The following FRS2 variants were observed in gnomAD, a reference collection of about 807,000 sequenced individuals.
FRS2 encodes FGFR signalling adaptor.
Under a neutral mutation model 43.9 loss-of-function variants are expected in FRS2, and 8 were observed. That is an observed-to-expected ratio of 0.18 (90% CI 0.11 to 0.33). The LOEUF (loss-of-function observed/expected upper bound fraction) is 0.33, where lower values mean the gene tolerates loss of function less well. Among genes scored for constraint, FRS2 ranks in the 10% least tolerant of loss-of-function variants. FRS2 has a pLI of 1.00. For missense variants in FRS2, 534 were observed against 627.6 expected (o/e 0.85, Z 1.59); for synonymous variants, 219 against 220.3 (o/e 0.99, Z 0.05).
intron 1 of FRS2, among the ~76,000 whole-genome samples, chr12:69,500,309 A>G (rs1423317328): frequency 6.6e-6 from 1 of 152,206 alleles, no homozygotes; most frequent in African/African-American, 2.4e-5. Flanking sequence ...TTCTCATGAC[A>G]TGATTGGTTA....
At chr12:69,525,470 C>A (rs556117300) in intron 1 of FRS2, among the ~76,000 whole-genome samples, 25 of 152,096 alleles carry the variant, frequency 1.6e-4, no homozygotes, top group Non-Finnish European at 2.9e-4. Flanking sequence ...CAGGTGATAA[C>A]CCCCAACATT....
At chr12:69,492,275 A>G (rs1240458058) in intron 1 of FRS2, among the ~76,000 whole-genome samples, 1 of 152,238 alleles carries the variant, frequency 6.6e-6, no homozygotes, top group East Asian at 1.9e-4. Context: ...GAAACAAAAA[A>G]AAGTAATTTG....
intron 3 of FRS2, among the ~76,000 whole-genome samples, chr12:69,557,621 C>CGTGTGT (rs1279328584): frequency 1.2e-5 from 1 of 82,288 alleles, no homozygotes; most frequent in African/African-American, 4.6e-5. Context: ...TGTGTGTGTG[C>CGTGTGT]GCGCGCGCGC....
intron 1 of FRS2, among the ~76,000 whole-genome samples, chr12:69,479,139 G>C (rs1871122978): frequency 6.6e-6 from 1 of 151,888 alleles, no homozygotes; most frequent in Non-Finnish European, 1.5e-5. Flanking sequence ...CTCTGATCTA[G>C]GACCATTTTT....
intron 1 of FRS2, among the ~76,000 whole-genome samples, chr12:69,496,514 A>G (rs76631057): frequency 0.021 from 3,245 of 152,288 alleles, 46 homozygotes; most frequent in Middle Eastern, 0.051. Flanking sequence ...TAAAATAGGT[A>G]TATCTACATA....
At chr12:69,554,730 T>C (rs1879191813) in intron 3 of FRS2, among the ~76,000 whole-genome samples, 1 of 152,184 alleles carries the variant, frequency 6.6e-6, no homozygotes, top group South Asian at 2.1e-4. Context: ...TTTGAGACAG[T>C]GTCTTACACT....
At chr12:69,573,953 C>T in intron 8 of FRS2, 52 bp from the exon 9 acceptor site, 4 of 1,230,684 alleles carry the variant, frequency 3.3e-6, no homozygotes, top group Non-Finnish European at 3.4e-6. Flanking sequence ...GGCTTTTTTT[C>T]AGTTTTGTTT....
intron 4 of FRS2, among the ~76,000 whole-genome samples, chr12:69,564,717 A>G (rs956682579): frequency 3.3e-5 from 5 of 152,072 alleles, no homozygotes; most frequent in African/African-American, 1.2e-4. Flanking sequence ...AATAATCTCA[A>G]ACTGATTTTC....
chr12:69,471,881 T>G (rs1352290455), intron 1 of FRS2, among the ~76,000 whole-genome samples: 1 of 152,162 alleles, frequency 6.6e-6, no homozygotes, highest in Non-Finnish European at 1.5e-5. Context: ...TCATTCTCTT[T>G]CCTCCCACCC....
chr12:69,563,573 G>A (rs1880040006), intron 4 of FRS2, among the ~76,000 whole-genome samples: 1 of 152,156 alleles, frequency 6.6e-6, no homozygotes, highest in Admixed American at 6.5e-5. Context: ...CCGTGGGTCA[G>A]TTGAACTGTC....
At position 69,574,856 on chromosome 12, in the gene FRS2, C is replaced by A; in HGVS notation, c.1428C>A (p.Ile476=). 6.2e-7 allele frequency: 1 copy of A among 1,613,828 alleles called. No homozygotes were observed. The change falls in exon 9 of 9, where the codon ATC becomes ATA. Residue 476 remains isoleucine (I), a synonymous_variant. Transcript: ENST00000549921. ...RRTELYAVID[I]ERTAAMSNLQ... Reference sequence around the variant, plus strand: ...CAGAGCTGTATGCCGTGATAGACATCGAGAGAACTGCTGCTATGTCAAATT... The same window carrying A: ...CAGAGCTGTATGCCGTGATAGACATAGAGAGAACTGCTGCTATGTCAAATT...
intron 1 of FRS2, among the ~76,000 whole-genome samples, chr12:69,496,603 A>G (rs1872920750): frequency 6.6e-6 from 1 of 152,216 alleles, no homozygotes; most frequent in Non-Finnish European, 1.5e-5. Flanking sequence ...CAGATCAGGT[A>G]TATATAAACC....
rs1328053353 is a variant in FRS2, at chr12:69,574,474, A to G, written c.1046A>G (p.Tyr349Cys). 3 of 1,614,050 alleles carry G rather than the reference A, an allele frequency of 1.9e-6. No homozygotes were observed. Among genetic ancestry groups the G allele is most frequent in the Non-Finnish European group, 2.5e-6 (3 of 1,179,898 alleles). ...CAGAGAAGAACTGCATTATTAAACT[A>G]TGAAAATCTACCATCTTTGCCTCCT... ...SAQRRTALLN[Y>C]ENLPSLPPVW... The change falls in exon 9 of 9, where the codon TAT (tyrosine) becomes TGT (cysteine). Residue 349 changes from tyrosine (Y) to cysteine (C), a missense_variant. Coordinates refer to ENST00000549921, the MANE Select transcript of FRS2 (RefSeq NM_001278356.2).
At chr12:69,477,501 C>A (rs1339901040) in intron 1 of FRS2, among the ~76,000 whole-genome samples, 1 of 151,014 alleles carries the variant, frequency 6.6e-6, no homozygotes, top group Non-Finnish European at 1.5e-5. Flanking sequence ...CCAAGATGGT[C>A]TCAATCTCCT....
chr12:69,470,493 G>A lies in FRS2; in HGVS notation c.-298G>A. 2.5e-6 allele frequency: 1 copy of A among 398,650 alleles called. No individual in the cohort carries two copies. The highest frequency in any genetic ancestry group is 4.4e-5 in the Admixed American group (1 of 22,736). The allele number at this position is 398,650 out of a possible 1,614,324, so 24.7% of individuals were successfully genotyped here. A position where few individuals can be genotyped will look rare whatever the true frequency, so the allele number is the denominator to read the frequency against. On this transcript the variant is annotated 5_prime_UTR_variant, in exon 1 of 9. Transcript: ENST00000549921. The stretch of plus-strand genomic sequence containing the variant: ...CGGAGTCTGGGGGTTCGCGCCCGCC[G>A]ACCCGCGCCCTGCTCCCTCTCAGCA...
chr12:69,504,624 A>AT (rs1391949621), intron 1 of FRS2, among the ~76,000 whole-genome samples: 1 of 152,106 alleles, frequency 6.6e-6, no homozygotes, highest in Admixed American at 6.6e-5. Context: ...TAAAAAATAT[A>AT]TTTTTTCTCA....
intron 1 of FRS2, among the ~76,000 whole-genome samples, chr12:69,477,454 T>G (rs966143867): frequency 3.5e-4 from 53 of 151,374 alleles, no homozygotes; most frequent in African/African-American, 1.2e-3. Flanking sequence ...GGCTAATTTT[T>G]TGTATTTTTA....
intron 4 of FRS2, among the ~76,000 whole-genome samples, chr12:69,567,042 C>A (rs2135795459): frequency 6.6e-6 from 1 of 152,270 alleles, no homozygotes; most frequent in South Asian, 2.1e-4. Context: ...TTTTAAATCC[C>A]AGCTCAATTA....
At chr12:69,472,143 G>A (rs221073) in intron 1 of FRS2, among the ~76,000 whole-genome samples, 14,202 of 151,978 alleles carry the variant, frequency 0.093, 877 homozygotes, top group Non-Finnish European at 0.14. Flanking sequence ...CTGCAGCACA[G>A]TGGCCCCATC....
Sources: gnomAD v4.1 joint callset for allele counts (sites outside exome capture counted in the v4.1 genomes callset) on GRCh38, gnomAD v4.1.1 for gene constraint, MANE v1.5 for transcripts, NCBI Gene and HGNC (gene_info 2026-07-23, HGNC 2026-07-21) for gene names.